ANKRD18B: variants seen among roughly 807,000 people sequenced by gnomAD.
The protein encoded by ANKRD18B is ankyrin repeat domain 18B.
In ANKRD18B, 75 loss-of-function variants were observed where a neutral mutation model predicts 111.8. That is an observed-to-expected ratio of 0.67 (90% CI 0.56 to 0.81). ANKRD18B has a LOEUF of 0.81. ANKRD18B is among the 40% of genes least tolerant of loss of function. The probability of loss-of-function intolerance (pLI) is 0.00; values close to 1 mark genes in which losing one functional copy is unlikely to be tolerated. For missense variants in ANKRD18B, 1,038 were observed against 1,225.5 expected, an observed-to-expected ratio of 0.85 and a Z score of 2.28; for synonymous variants, 356 against 417.3, an observed-to-expected ratio of 0.85 and a Z score of 1.79.
At chr9:33,541,847 G>A (rs1014957441) in intron 9 of ANKRD18B, among the ~76,000 whole-genome samples, 3 of 152,134 alleles carry the variant, frequency 2.0e-5, no homozygotes, top group African/African-American at 7.2e-5. Flanking sequence ...TCAGAAACTG[G>A]CTTCTGCCCA....
intron 6 of ANKRD18B, among the ~76,000 whole-genome samples, chr9:33,539,104 A>C (rs1828242497): frequency 6.6e-6 from 1 of 152,232 alleles, no homozygotes; most frequent in African/African-American, 2.4e-5. Flanking sequence ...AATAATAACT[A>C]TCATGTATCT....
intron 10 of ANKRD18B, 99 bp downstream of exon 10, chr9:33,543,354 TTA>T: frequency 2.0e-6 from 2 of 977,150 alleles, no homozygotes; most frequent in South Asian, 3.9e-5. Context: ...GACTATCCTT[TTA>T]GAATCCAACA....
At chr9:33,538,684 C>A (rs530073112) in intron 6 of ANKRD18B, among the ~76,000 whole-genome samples, 3 of 151,520 alleles carry the variant, frequency 2.0e-5, no homozygotes, top group Non-Finnish European at 4.4e-5. Context: ...TGCAGTGAAC[C>A]GGAATGCACC....
intron 10 of ANKRD18B, among the ~76,000 whole-genome samples, chr9:33,547,681 AGTGTGTGT>A (rs55918212): frequency 0.057 from 8,383 of 146,216 alleles, 256 homozygotes; most frequent in South Asian, 0.092. Context: ...AATTCTCTAG[AGTGTGTGT>A]GTGTGTGTGT....
At chr9:33,541,704 A>T (rs1828281578) in intron 9 of ANKRD18B, among the ~76,000 whole-genome samples, 1 of 152,176 alleles carries the variant, frequency 6.6e-6, no homozygotes. Context: ...TCTCTCAGAA[A>T]ATTCAAGTCA....
At chr9:33,553,784 A>G (rs187310387) in intron 12 of ANKRD18B, among the ~76,000 whole-genome samples, 45 of 152,328 alleles carry the variant, frequency 3.0e-4, no homozygotes, top group African/African-American at 1.1e-3. Flanking sequence ...TTTTCATTAT[A>G]AAAGAAAAAA....
At chr9:33,573,736 CTT>C (rs1245967729), downstream of ANKRD18B, among the ~76,000 whole-genome samples, 12 of 145,024 alleles carry the variant, frequency 8.3e-5, no homozygotes, top group Admixed American at 7.0e-4. Context: ...TGTAATGAGA[CTT>C]TGAACACAGC....
intron 14 of ANKRD18B, among the ~76,000 whole-genome samples, chr9:33,565,206 A>G (rs1304608090): frequency 6.6e-6 from 1 of 152,214 alleles, no homozygotes; most frequent in Non-Finnish European, 1.5e-5. Flanking sequence ...ATGGTGTTAG[A>G]TAGGAAGCTA....
intron 17 of ANKRD18B, among the ~76,000 whole-genome samples, chr9:33,570,872 G>A (rs774718558): frequency 5.3e-5 from 8 of 152,004 alleles, no homozygotes; most frequent in Non-Finnish European, 8.8e-5. Flanking sequence ...TCTTGACCTC[G>A]TGATCTGCCC....
At chr9:33,530,553 A>T (rs1489520017) in intron 3 of ANKRD18B, among the ~76,000 whole-genome samples, 4 of 146,140 alleles carry the variant, frequency 2.7e-5, no homozygotes, top group Non-Finnish European at 6.0e-5. Context: ...AAAAAACCTC[A>T]GTGTTCGAAT....
chr9:33,563,089 A>T (rs920889600), intron 14 of ANKRD18B, among the ~76,000 whole-genome samples: 2 of 151,980 alleles, frequency 1.3e-5, no homozygotes, highest in African/African-American at 4.8e-5. Context: ...AGCAGCTTAC[A>T]CCTCTCTCCT....
intron 14 of ANKRD18B, among the ~76,000 whole-genome samples, chr9:33,563,914 C>T (rs898224988): frequency 1.9e-4 from 29 of 152,186 alleles, no homozygotes; most frequent in African/African-American, 6.8e-4. Context: ...TATCCATTAA[C>T]CAGACTCCCC....
At position 33,568,664 on chromosome 9, in the gene ANKRD18B, T is replaced by C; in HGVS notation, c.2955-7T>C. On this transcript the variant is annotated splice_polypyrimidine_tract_variant and splice_region_variant and intron_variant, in intron 16 of 18. Transcript: ENST00000684830. ...ATACTAAGCATTTGTCTTTGCTCTCTTTACAGATCGGATAAGAAAATAGCT... is the reference window on the plus strand; with the variant it reads ...ATACTAAGCATTTGTCTTTGCTCTCCTTACAGATCGGATAAGAAAATAGCT... 1.3e-6 allele frequency: 2 copies of C among 1,525,348 alleles called. No individual in the cohort carries two copies. The highest frequency in any genetic ancestry group is 4.5e-5 in the Admixed American group (2 of 44,510). The allele number at this position is 1,525,348 out of a possible 1,614,324, so 94.5% of individuals were successfully genotyped here. A position where few individuals can be genotyped will look rare whatever the true frequency, so the allele number is the denominator to read the frequency against.
intron 12 of ANKRD18B, among the ~76,000 whole-genome samples, chr9:33,552,435 A>G (rs1385424577): frequency 6.6e-6 from 1 of 152,206 alleles, no homozygotes; most frequent in East Asian, 1.9e-4. Flanking sequence ...TGCCACAGCA[A>G]CAGCTGCTGG....
Position 33,534,484 on chromosome 9 carries a change from T to C in ANKRD18B, c.717T>C (p.Tyr239=). 15 of 1,546,344 alleles carry C rather than the reference T, an allele frequency of 9.7e-6. No individual in the cohort carries two copies. The highest frequency in any genetic ancestry group is 1.3e-5 in the Non-Finnish European group (15 of 1,145,578). ...QDMFGQTAED[Y]AFCCDLRSIQ... Reference sequence around the variant, plus strand: ...TGTTTGGCCAAACTGCCGAGGATTATGCTTTTTGTTGTGATTTGAGAAGGT... The same window carrying C: ...TGTTTGGCCAAACTGCCGAGGATTACGCTTTTTGTTGTGATTTGAGAAGGT... The change falls in exon 5 of 19, where the codon TAT becomes TAC. Residue 239 remains tyrosine (Y), a synonymous_variant. Transcript: ENST00000684830.
intron 10 of ANKRD18B, among the ~76,000 whole-genome samples, chr9:33,544,534 C>T (rs1357699839): frequency 2.0e-5 from 3 of 152,102 alleles, no homozygotes; most frequent in Admixed American, 6.6e-5. Flanking sequence ...ATATTCAGGA[C>T]TTCCTTTAAA....
chr9:33,529,498 A>G (rs1828080440), intron 3 of ANKRD18B, among the ~76,000 whole-genome samples: 1 of 152,172 alleles, frequency 6.6e-6, no homozygotes, highest in Non-Finnish European at 1.5e-5. Context: ...AATAGGCTTT[A>G]TCTTAAAACT....
chr9:33,534,391 A>G lies in ANKRD18B; in HGVS notation c.624A>G (p.Val208=). 3 of 1,548,082 alleles carry G rather than the reference A, an allele frequency of 1.9e-6. No homozygotes were observed. Among genetic ancestry groups the G allele is most frequent in the Non-Finnish European group, 1.7e-6 (2 of 1,145,890 alleles). ...NFKRTALILA[V]QHNLSSIVTL... ...TTAGAACAGCCCTCATACTTGCAGTACAGCATAACTTGTCAAGTATCGTCA... is the reference window on the plus strand; with the variant it reads ...TTAGAACAGCCCTCATACTTGCAGTGCAGCATAACTTGTCAAGTATCGTCA... Residue 208 remains valine (V), a synonymous_variant, in exon 5 of 19, where the codon GTA becomes GTG. Transcript: ENST00000684830.
At chr9:33,552,376 C>T (rs567773735) in intron 12 of ANKRD18B, among the ~76,000 whole-genome samples, 6 of 152,322 alleles carry the variant, frequency 3.9e-5, no homozygotes, top group Non-Finnish European at 8.8e-5. Context: ...TGATGAAGGA[C>T]AGCACAGCTC....
Sources: gnomAD v4.1 joint callset for allele counts (sites outside exome capture counted in the v4.1 genomes callset) on GRCh38, gnomAD v4.1.1 for gene constraint, MANE v1.5 for transcripts, NCBI Gene and HGNC (gene_info 2026-07-23, HGNC 2026-07-21) for gene names.